EHMT1: variants seen among roughly 807,000 people sequenced by gnomAD.
EHMT1 encodes histone-lysine N-methyltransferase EHMT1.
Under a neutral mutation model 147.2 loss-of-function variants are expected in EHMT1, and 15 were observed. The ratio of observed to expected loss-of-function variants is 0.10; its 90% confidence interval spans 0.07 to 0.16. EHMT1 has a LOEUF of 0.16. Ranked by LOEUF, EHMT1 falls within the 10% of genes least tolerant of loss-of-function variation. The pLI, the probability that EHMT1 is intolerant of heterozygous loss-of-function variation, is 1.00. For missense variants in EHMT1, 1,587 were observed against 1,772.4 expected, an observed-to-expected ratio of 0.90 and a Z score of 1.88; for synonymous variants, 795 against 709.6, an observed-to-expected ratio of 1.12 and a Z score of -1.91.
At chr9:137,669,345 A>AGCACGTGCACTTACCAAGTCCACCCACCT (rs1564562465) in intron 1 of EHMT1, among the ~76,000 whole-genome samples, 1 of 9,076 alleles carries the variant, frequency 1.1e-4, no homozygotes, top group African/African-American at 6.7e-4. Flanking sequence ...TGGACCCCAC[A>AGCACGTGCACTTACCAAGTCCACCCACCT]CCACCCAAGA....
chr9:137,830,736 T>A (rs1261761327), intron 25 of EHMT1, among the ~76,000 whole-genome samples: 1 of 152,224 alleles, frequency 6.6e-6, no homozygotes, highest in Non-Finnish European at 1.5e-5. Context: ...ACTGGCTTGA[T>A]AGGCAGTTAC....
chr9:137,669,321 G>C lies in EHMT1; in HGVS notation c.22-41646G>C, dbSNP rs1261061046. On this transcript the variant is annotated intron_variant, in intron 1 of 26. Coordinates refer to ENST00000460843, the MANE Select transcript of EHMT1 (RefSeq NM_024757.5). ...GCAGACTGAGGACCCCTGGAAAGACGCCCCCACAGCACGTGGACCCCACAC... is the reference window on the plus strand; with the variant it reads ...GCAGACTGAGGACCCCTGGAAAGACCCCCCCACAGCACGTGGACCCCACAC... Among the ~76,000 whole-genome samples, 4 of 132,912 alleles carry C rather than the reference G, an allele frequency of 3.0e-5. 1 individual carries two copies. Among genetic ancestry groups the C allele is most frequent in the African/African-American group, 5.9e-5 (2 of 34,100 alleles). 87.2% of individuals were successfully genotyped at this position (132,912 alleles called of 152,430 possible). A position where few individuals can be genotyped will look rare whatever the true frequency, so the allele number is the denominator to read the frequency against.
intron 18 of EHMT1, among the ~76,000 whole-genome samples, chr9:137,801,196 A>G (rs1432499051): frequency 6.6e-6 from 1 of 152,060 alleles, no homozygotes; most frequent in Non-Finnish European, 1.5e-5. Context: ...CCCTCTAGGG[A>G]TCTGCGGGTT....
intron 1 of EHMT1, among the ~76,000 whole-genome samples, chr9:137,633,748 TC>T (rs1214645667): frequency 2.0e-5 from 3 of 151,578 alleles, no homozygotes; most frequent in Non-Finnish European, 4.4e-5. Context: ...TAATCCTCCC[TC>T]CCCGACCCCC....
intron 25 of EHMT1, among the ~76,000 whole-genome samples, chr9:137,830,927 A>G (rs1455156814): frequency 6.6e-6 from 1 of 152,190 alleles, no homozygotes; most frequent in African/African-American, 2.4e-5. Flanking sequence ...GTAAACCGTG[A>G]GGCTTACAAA....
chr9:137,810,660 ATTTGT>A (rs1331877287), intron 18 of EHMT1, among the ~76,000 whole-genome samples: 1 of 150,596 alleles, frequency 6.6e-6, no homozygotes, highest in Admixed American at 6.6e-5. Context: ...TCCAAATTTT[ATTTGT>A]TTTATTTAAA....
chr9:137,752,226 A>T (rs1433444820), intron 6 of EHMT1, 105 bp from the exon 7 acceptor site: 1 of 1,342,552 alleles, frequency 7.4e-7, no homozygotes, highest in Non-Finnish European at 1.0e-6. Flanking sequence ...GTGTGCGGCC[A>T]GTGCCCGTTT....
intron 1 of EHMT1, among the ~76,000 whole-genome samples, chr9:137,702,435 T>C (rs1288715382): frequency 3.3e-5 from 5 of 152,160 alleles, no homozygotes; most frequent in African/African-American, 9.7e-5. Flanking sequence ...ACAGGCTCCA[T>C]GTAAGTCTGA....
In EHMT1 at chr9:137,637,462, A is replaced by G. The variant is rs184038226; in HGVS notation, c.21+18413A>G. ...AATGCTGGGATTACAGGTGTGAGCC[A>G]CTGCACCTGGCCTAAAAAAATTTTT... On this transcript the variant is annotated intron_variant, in intron 1 of 26. Transcript: ENST00000460843. 154 of 152,346 alleles carry G rather than the reference A, an allele frequency of 1.0e-3. 2 individuals are homozygous for G. The East Asian group carries it at 0.023, about 23-fold the overall frequency. The allele number at this position is 152,346 out of a possible 1,614,324, so 9.4% of individuals were successfully genotyped here.
chr9:137,669,939 C>T (rs1417452322), intron 1 of EHMT1, among the ~76,000 whole-genome samples: 1 of 152,070 alleles, frequency 6.6e-6, no homozygotes, highest in African/African-American at 2.4e-5. Context: ...CAACCTCTGC[C>T]GCCCGGGTTC....
intron 1 of EHMT1, among the ~76,000 whole-genome samples, chr9:137,619,814 G>C (rs1842843661): frequency 6.6e-6 from 1 of 152,084 alleles, no homozygotes; most frequent in African/African-American, 2.4e-5. Context: ...AGAGATTAAA[G>C]TCTTGCGAGT....
chr9:137,809,349 C>G (rs1954216347), intron 18 of EHMT1, among the ~76,000 whole-genome samples: 1 of 152,222 alleles, frequency 6.6e-6, no homozygotes, highest in South Asian at 2.1e-4. Context: ...GAAGAGCCCG[C>G]GTCCTTCTCT....
intron 1 of EHMT1, among the ~76,000 whole-genome samples, chr9:137,685,777 G>A (rs1268612238): frequency 6.6e-6 from 1 of 152,136 alleles, no homozygotes; most frequent in Non-Finnish European, 1.5e-5. Flanking sequence ...GGAGCAACGT[G>A]GTATGTCATT....
intron 2 of EHMT1, among the ~76,000 whole-genome samples, chr9:137,711,764 C>T (rs1311349817): frequency 2.0e-5 from 3 of 152,092 alleles, no homozygotes; most frequent in East Asian, 1.9e-4. Context: ...TGGCGCCAGA[C>T]GAGCTGTGCT....
At chr9:137,818,362 C>G (rs970683506) in intron 25 of EHMT1, among the ~76,000 whole-genome samples, 1 of 152,210 alleles carries the variant, frequency 6.6e-6, no homozygotes. Flanking sequence ...GCCTGTGCAG[C>G]CAACTGCCCC....
chr9:137,668,406 A>G (rs1589174722), intron 1 of EHMT1, among the ~76,000 whole-genome samples: 1 of 149,466 alleles, frequency 6.7e-6, no homozygotes, highest in Non-Finnish European at 1.5e-5. Flanking sequence ...TATCCACCTC[A>G]CCACCCACCC....
intron 1 of EHMT1, among the ~76,000 whole-genome samples, chr9:137,634,644 C>G (rs1187503860): frequency 6.8e-6 from 1 of 146,002 alleles, no homozygotes; most frequent in Non-Finnish European, 1.5e-5. Context: ...TCTTTTTTTT[C>G]AAGATTGGGT....
At chr9:137,715,510 A>G (rs1945129725) in intron 2 of EHMT1, 1 of 981,996 alleles carries the variant, frequency 1.0e-6, no homozygotes, top group Admixed American at 6.1e-5. Context: ...GCTCGAGGTG[A>G]TAAGCACCAG....
intron 15 of EHMT1, chr9:137,785,473 T>TGAGGGTGGGGTGTGC (rs1564757546): frequency 6.5e-6 from 1 of 153,124 alleles, no homozygotes; most frequent in African/African-American, 2.4e-5. Flanking sequence ...GCTGAGCCCA[T>TGAGGGTGGGGTGTGC]TCTCCATGTC....
Sources: gnomAD v4.1 joint callset for allele counts (sites outside exome capture counted in the v4.1 genomes callset) on GRCh38, gnomAD v4.1.1 for gene constraint, MANE v1.5 for transcripts, NCBI Gene and HGNC (gene_info 2026-07-23, HGNC 2026-07-21) for gene names.